PIK3C2G: variants seen among roughly 807,000 people sequenced by gnomAD.
The protein encoded by PIK3C2G is phosphatidylinositol-4-phosphate 3-kinase catalytic subunit type 2 gamma, also known as phosphatidylinositol 3-kinase C2 domain-containing subunit gamma.
In PIK3C2G, 168 loss-of-function variants were observed where a neutral mutation model predicts 181.1. The ratio of observed to expected loss-of-function variants is 0.93; its 90% confidence interval spans 0.82 to 1.05. The LOEUF is 1.05. Among genes scored for constraint, PIK3C2G ranks in the 50% least tolerant of loss-of-function variants. The probability of loss-of-function intolerance (pLI) is 0.00; values close to 1 mark genes in which losing one functional copy is unlikely to be tolerated. For missense variants in PIK3C2G, 1,869 were observed against 1,732.8 expected (o/e 1.08, Z -1.40); for synonymous variants, 573 against 592.2 (o/e 0.97, Z 0.47).
At chr12:18,617,358 TG>T (rs1948650396) in intron 31 of PIK3C2G, among the ~76,000 whole-genome samples, 1 of 152,182 alleles carries the variant, frequency 6.6e-6, no homozygotes, top group African/African-American at 2.4e-5. Flanking sequence ...CCAGGTTTTT[TG>T]TCTTCAGTTT....
chr12:18,662,571 G>C, the PIK3C2G span, among the ~76,000 whole-genome samples: 1 of 152,034 alleles, frequency 6.6e-6, no homozygotes, highest in Non-Finnish European at 1.5e-5. Context: ...ATAAAAATTT[G>C]TATTATTGTA....
At chr12:18,626,504 G>C (rs895454694) in intron 31 of PIK3C2G, among the ~76,000 whole-genome samples, 5 of 151,902 alleles carry the variant, frequency 3.3e-5, no homozygotes, top group Non-Finnish European at 7.4e-5. Context: ...TATACCATTA[G>C]ATTTCATGAT....
chr12:18,641,532 T>C (rs1299549438), intron 32 of PIK3C2G, among the ~76,000 whole-genome samples: 4 of 152,074 alleles, frequency 2.6e-5, no homozygotes, highest in African/African-American at 9.7e-5. Context: ...CTACCACTTA[T>C]TTCCATTTCT....
chr12:18,692,251 T>C, the PIK3C2G span, among the ~76,000 whole-genome samples: 1 of 151,838 alleles, frequency 6.6e-6, no homozygotes, highest in Non-Finnish European at 1.5e-5. Flanking sequence ...GTTCTAGGAG[T>C]AACTAGTTAA....
chr12:18,399,353 G>A (rs1285772230), intron 15 of PIK3C2G, among the ~76,000 whole-genome samples: 6 of 150,832 alleles, frequency 4.0e-5, no homozygotes, highest in Non-Finnish European at 7.4e-5. Flanking sequence ...CTAGAGGAGA[G>A]AGATTTTGCC....
intron 5 of PIK3C2G, among the ~76,000 whole-genome samples, chr12:18,303,282 C>CCTTT (rs761905286): frequency 4.0e-5 from 6 of 148,350 alleles, no homozygotes; most frequent in African/African-American, 7.5e-5. Flanking sequence ...CTCCCTCTCT[C>CCTTT]CTTTCTTTCT....
intron 24 of PIK3C2G, among the ~76,000 whole-genome samples, chr12:18,517,211 G>A (rs892598140): frequency 4.0e-5 from 6 of 151,828 alleles, no homozygotes; most frequent in Non-Finnish European, 8.8e-5. Flanking sequence ...TCCATTCTGG[G>A]GAAGACTTAT....
the PIK3C2G span, among the ~76,000 whole-genome samples, chr12:18,725,835 T>A: frequency 6.6e-6 from 1 of 152,254 alleles, no homozygotes; most frequent in East Asian, 1.9e-4. Context: ...AATTACCAAT[T>A]TCTACTAATC....
At chr12:18,708,536 T>G in the PIK3C2G span, among the ~76,000 whole-genome samples, 2 of 152,200 alleles carry the variant, frequency 1.3e-5, no homozygotes, top group Non-Finnish European at 1.5e-5. Flanking sequence ...GAAGAGGGAT[T>G]ACTGGGTCAT....
In PIK3C2G at chr12:18,362,762, A is replaced by G; in HGVS notation, c.1626-2A>G. On this transcript the variant is annotated splice_acceptor_variant, in intron 11 of 32. Transcript: ENST00000538779. LOFTEE classifies it high-confidence loss of function. Reference sequence around the variant, plus strand: ...TATTGAATTGATGTTGTTTCATTTTAGCTACAAAGCGTTTTCTTTTACCTG... The same window carrying G: ...TATTGAATTGATGTTGTTTCATTTTGGCTACAAAGCGTTTTCTTTTACCTG... 6.6e-7 allele frequency: 1 copy of G among 1,508,178 alleles called. No individual in the cohort carries two copies. Among genetic ancestry groups the G allele is most frequent in the Admixed American group, 2.3e-5 (1 of 43,188 alleles). 93.4% of individuals were successfully genotyped at this position (1,508,178 alleles called of 1,614,324 possible). A position where few individuals can be genotyped will look rare whatever the true frequency, so the allele number is the denominator to read the frequency against.
At chr12:18,696,824 G>A in the PIK3C2G span, among the ~76,000 whole-genome samples, 1 of 151,928 alleles carries the variant, frequency 6.6e-6, no homozygotes, top group Non-Finnish European at 1.5e-5. Flanking sequence ...TTCCCCCAAA[G>A]TTTATTCAAT....
At chr12:18,363,462 G>A (rs778953721) in intron 12 of PIK3C2G, among the ~76,000 whole-genome samples, 18 of 151,518 alleles carry the variant, frequency 1.2e-4, no homozygotes, top group Non-Finnish European at 2.2e-4. Flanking sequence ...TTTGCTCCCC[G>A]CACCCAACTT....
chr12:18,381,022 C>T (rs1323982010), intron 13 of PIK3C2G, among the ~76,000 whole-genome samples: 1 of 152,170 alleles, frequency 6.6e-6, no homozygotes, highest in Non-Finnish European at 1.5e-5. Context: ...GAACATTTTA[C>T]TGATATTCTG....
chr12:18,668,972 G>A, the PIK3C2G span, among the ~76,000 whole-genome samples: 1 of 152,070 alleles, frequency 6.6e-6, no homozygotes, highest in Non-Finnish European at 1.5e-5. Context: ...TAAGAGAGAA[G>A]CTCCAGGTGT....
intron 18 of PIK3C2G, among the ~76,000 whole-genome samples, chr12:18,478,689 T>C (rs1000590378): frequency 6.6e-6 from 1 of 152,140 alleles, no homozygotes; most frequent in Non-Finnish European, 1.5e-5. Flanking sequence ...CACAAAGTTA[T>C]ATTTAAGGCT....
chr12:18,652,623 T>C (rs1157755729), downstream of PIK3C2G, among the ~76,000 whole-genome samples: 1 of 152,118 alleles, frequency 6.6e-6, no homozygotes, highest in Non-Finnish European at 1.5e-5. Context: ...CTTGGCACAA[T>C]GTTTTTTAAA....
At chr12:18,526,029 A>G (rs1943212089) in intron 24 of PIK3C2G, among the ~76,000 whole-genome samples, 2 of 152,170 alleles carry the variant, frequency 1.3e-5, no homozygotes, top group African/African-American at 4.8e-5. Context: ...AATCATTTTG[A>G]TATTATTTTC....
intron 18 of PIK3C2G, among the ~76,000 whole-genome samples, chr12:18,434,095 T>G (rs999635892): frequency 1.3e-5 from 2 of 152,186 alleles, no homozygotes; most frequent in Non-Finnish European, 2.9e-5. Context: ...GCTAGCAGGT[T>G]TGGTGTCTGG....
chr12:18,720,395 G>A, the PIK3C2G span, among the ~76,000 whole-genome samples: 1 of 151,276 alleles, frequency 6.6e-6, no homozygotes, highest in African/African-American at 2.4e-5. Context: ...TGGAATTTCT[G>A]GGTCATTTGT....
Sources: allele counts gnomAD v4.1 joint callset (sites outside exome capture counted in the v4.1 genomes callset), GRCh38; gene constraint gnomAD v4.1.1; transcripts MANE v1.5; gene names NCBI Gene and HGNC (gene_info 2026-07-23, HGNC 2026-07-21).